MYDGF: variants seen among roughly 807,000 people sequenced by gnomAD.
MYDGF encodes myeloid derived growth factor, also known as myeloid-derived growth factor.
MYDGF carries 29 observed loss-of-function variants against 24.2 expected under a neutral mutation model. The ratio of observed to expected loss-of-function variants is 1.20; its 90% CI spans 0.89 to 1.63. The LOEUF is 1.63. Ranked by LOEUF, MYDGF falls within the 40% of genes most tolerant of loss-of-function variation. The pLI, the probability that MYDGF is intolerant of heterozygous loss-of-function variation, is 0.00. For missense variants in MYDGF, 245 were observed against 234.8 expected (o/e 1.04, Z -0.29); for synonymous variants, 105 against 102.5 (o/e 1.02, Z -0.15).
At chr19:4,670,090 G>C in intron 1 of MYDGF, 71 bp downstream of exon 1, 116 of 1,139,004 alleles carry the variant, frequency 1.0e-4, no homozygotes, top group South Asian at 7.7e-4. Context: ...CTCGGGCCCC[G>C]CCCCCAATGC....
rs765336649 is a variant in MYDGF, at chr19:4,668,576, G to A, written c.225+19C>T. 6.2e-7 allele frequency: 1 copy of A among 1,601,428 alleles called. No individual in the cohort carries two copies. Among genetic ancestry groups the A allele is most frequent in the Non-Finnish European group, 8.6e-7 (1 of 1,168,772 alleles). On this transcript the variant is annotated intron_variant, in intron 2 of 5. Transcript: ENST00000262947. ...TGGATACTGTCACAGTAAGCTAGAG[G>A]GAATTTTGAACAACTCACCTCATTG... is the stretch of plus-strand genomic sequence containing the variant.
At chr19:4,661,358 T>C (rs2088469751) in intron 3 of MYDGF, among the ~76,000 whole-genome samples, 2 of 152,148 alleles carry the variant, frequency 1.3e-5, no homozygotes, top group South Asian at 2.1e-4. Flanking sequence ...CCCATGTCCA[T>C]TCACTGCACA....
intron 3 of MYDGF, among the ~76,000 whole-genome samples, chr19:4,662,156 C>A (rs2145184134): frequency 1.3e-5 from 2 of 152,290 alleles, no homozygotes; most frequent in South Asian, 2.1e-4. Flanking sequence ...TTGTAAAGCG[C>A]CCCGCAGGGC....
chr19:4,660,667 A>G lies in MYDGF; in HGVS notation c.369+2T>C. 1.2e-6 allele frequency: 2 copies of G among 1,613,572 alleles called. No individual in the cohort carries two copies. Among genetic ancestry groups the G allele is most frequent in the Non-Finnish European group, 1.7e-6 (2 of 1,179,640 alleles). ...GAGCCTGCCCCACTCCAAGATACTCACGTAGGCCATGGCGTACTCAATCTC... is the reference window on the plus strand; with the variant it reads ...GAGCCTGCCCCACTCCAAGATACTCGCGTAGGCCATGGCGTACTCAATCTC... On this transcript the variant is annotated splice_donor_variant, in intron 4 of 5. Transcript: ENST00000262947. LOFTEE classifies it high-confidence loss of function.
chr19:4,668,476 G>GTCA lies in MYDGF; in HGVS notation c.225+116_225+118dup. On this transcript the variant is annotated intron_variant, in intron 2 of 5. Transcript: ENST00000262947. Reference sequence around the variant, plus strand: ...CTCCCTTTTTATTGGTTTAGGAAGAGTCATTCAATGAGTGTAAGGTGATAT... The same window carrying GTCA: ...CTCCCTTTTTATTGGTTTAGGAAGAGTCATCATTCAATGAGTGTAAGGTGATAT... 3.8e-6 allele frequency: 3 copies of GTCA among 780,644 alleles called. No homozygotes were observed. In the South Asian group the frequency reaches 4.6e-5, roughly 12 times the overall value. 48.4% of individuals were successfully genotyped at this position (780,644 alleles called of 1,614,324 possible). A position where few individuals can be genotyped will look rare whatever the true frequency, so the allele number is the denominator to read the frequency against.
intron 2 of MYDGF, among the ~76,000 whole-genome samples, chr19:4,667,789 C>G (rs1192939785): frequency 6.6e-6 from 1 of 152,052 alleles, no homozygotes; most frequent in Non-Finnish European, 1.5e-5. Flanking sequence ...CCTTGACCTC[C>G]TGGGCTCAAG....
chr19:4,669,950 C>A (rs917875563), intron 1 of MYDGF, among the ~76,000 whole-genome samples: 5 of 151,728 alleles, frequency 3.3e-5, no homozygotes, highest in African/African-American at 1.2e-4. Flanking sequence ...CACAAGGCCC[C>A]GCTCCCTATG....
chr19:4,665,550 G>A (rs1015133934), intron 2 of MYDGF, among the ~76,000 whole-genome samples: 5 of 152,074 alleles, frequency 3.3e-5, no homozygotes, highest in African/African-American at 2.4e-5. Flanking sequence ...GGCCGGGCGC[G>A]GTGGCTCACG....
intron 3 of MYDGF, among the ~76,000 whole-genome samples, chr19:4,663,529 TAC>T (rs1220193046): frequency 4.1e-4 from 21 of 51,240 alleles, no homozygotes; most frequent in East Asian, 9.1e-4. Flanking sequence ...ATCCTCATTC[TAC>T]ACAGCCTCCA....
intron 1 of MYDGF, among the ~76,000 whole-genome samples, chr19:4,669,159 C>A (rs1467914202): frequency 6.6e-6 from 1 of 152,180 alleles, no homozygotes; most frequent in Non-Finnish European, 1.5e-5. Context: ...GACTTGGCAT[C>A]ACACCTAACT....
chr19:4,659,046 T>C (rs1057235022), intron 5 of MYDGF, among the ~76,000 whole-genome samples: 1 of 151,872 alleles, frequency 6.6e-6, no homozygotes, highest in Admixed American at 6.6e-5. Context: ...CCCAAAGTGC[T>C]GGGATTACAG....
At chr19:4,669,115 T>C (rs1417523618) in intron 1 of MYDGF, among the ~76,000 whole-genome samples, 1 of 152,132 alleles carries the variant, frequency 6.6e-6, no homozygotes, top group East Asian at 1.9e-4. Context: ...TGTGAAGCAT[T>C]TTCTCATCTG....
At chr19:4,669,035 G>A (rs544043156) in intron 1 of MYDGF, among the ~76,000 whole-genome samples, 7 of 152,166 alleles carry the variant, frequency 4.6e-5, no homozygotes, top group African/African-American at 1.2e-4. Flanking sequence ...GTAGAGATGG[G>A]TTTTGCCATG....
chr19:4,659,177 A>T (rs1008946542), intron 5 of MYDGF, among the ~76,000 whole-genome samples: 2 of 151,988 alleles, frequency 1.3e-5, no homozygotes, highest in African/African-American at 4.8e-5. Context: ...CTGGGCTCAA[A>T]TAATCCTCCC....
At chr19:4,660,074 G>A in intron 4 of MYDGF, 71 bp from the exon 5 acceptor site, 1 of 1,423,078 alleles carries the variant, frequency 7.0e-7, no homozygotes, top group Non-Finnish European at 9.9e-7. Context: ...GATTGAGTTT[G>A]CTTTCCAGAG....
intron 3 of MYDGF, among the ~76,000 whole-genome samples, chr19:4,661,798 G>A (rs1040952594): frequency 1.4e-4 from 21 of 152,152 alleles, no homozygotes; most frequent in Non-Finnish European, 2.6e-4. Context: ...TGGGGTGGCA[G>A]GTCTCCGGGG....
Position 4,657,852 on chromosome 19 carries a change from C to G in MYDGF, c.*153G>C. 1 of 656,576 alleles carries G rather than the reference C, an allele frequency of 1.5e-6. No individual in the cohort carries two copies. The highest frequency in any genetic ancestry group is 1.8e-5 in the African/African-American group (1 of 54,608). The allele number at this position is 656,576 out of a possible 1,614,324, so 40.7% of individuals were successfully genotyped here. On this transcript the variant is annotated 3_prime_UTR_variant, in exon 6 of 6. Coordinates refer to ENST00000262947, the MANE Select transcript of MYDGF (RefSeq NM_019107.4). ...TTCTCTGCCCCAGGGCTTCAGCCAC[C>G]CTGCAAGCCCCTCCGGACAAGGCAA... is the stretch of plus-strand genomic sequence containing the variant.
chr19:4,658,103 T>C lies in MYDGF; in HGVS notation c.443-19A>G, dbSNP rs938769992. Reference sequence around the variant, plus strand: ...TGAGCCACTGCAAGAAAGAAACACATGGTTGGGCCCTCAACATTGAAAATT... The same window carrying C: ...TGAGCCACTGCAAGAAAGAAACACACGGTTGGGCCCTCAACATTGAAAATT... On this transcript the variant is annotated intron_variant, in intron 5 of 5. Coordinates refer to ENST00000262947, the MANE Select transcript of MYDGF (RefSeq NM_019107.4). 4 of 1,600,276 alleles carry C rather than the reference T, an allele frequency of 2.5e-6. No individual in the cohort carries two copies. The highest frequency in any genetic ancestry group is 1.7e-5 in the Admixed American group (1 of 58,106).
chr19:4,664,821 G>A (rs1599838850), intron 3 of MYDGF, 55 bp downstream of exon 3: 1 of 1,589,466 alleles, frequency 6.3e-7, no homozygotes, highest in East Asian at 2.3e-5. Context: ...CAGCTCCTGA[G>A]GCCACAGGGC....
Sources: gnomAD v4.1 joint callset for allele counts (sites outside exome capture counted in the v4.1 genomes callset) on GRCh38, gnomAD v4.1.1 for gene constraint, MANE v1.5 for transcripts, NCBI Gene and HGNC (gene_info 2026-07-23, HGNC 2026-07-21) for gene names.